PRDM9: variants seen among roughly 807,000 people sequenced by gnomAD.
PRDM9 encodes PR/SET domain 9, also known as histone-lysine N-methyltransferase PRDM9.
A neutral mutation model predicts 55.6 loss-of-function variants in PRDM9; 47 were observed. The ratio of observed to expected loss-of-function variants is 0.85; its 90% confidence interval spans 0.67 to 1.08. The LOEUF is 1.08. Ranked by LOEUF, PRDM9 falls within the 50% of genes least tolerant of loss-of-function variation. PRDM9 has a pLI of 0.00. For missense variants in PRDM9, 867 were observed against 1,040.3 expected, an observed-to-expected ratio of 0.83 and a Z score of 2.29; for synonymous variants, 312 against 375.7, an observed-to-expected ratio of 0.83 and a Z score of 1.96.
At position 23,524,445 on chromosome 5, in the gene PRDM9, G is replaced by T. The variant is rs1739392568; in HGVS notation, c.1062G>T (p.Leu354=). The change falls in exon 10 of 11, where the codon CTG becomes CTT. Residue 354 remains leucine (L), a synonymous_variant. Coordinates refer to ENST00000296682, the MANE Select transcript of PRDM9 (RefSeq NM_020227.4). ...TCATTAGGCCAGGCTGTGAACTGCT[G>T]GTCTGGTATGGGGATGAATACGGCC... ...CRVIRPGCEL[L]VWYGDEYGQE... is the part of the protein sequence containing the mutation. 2 of 1,613,854 alleles carry T rather than the reference G, an allele frequency of 1.2e-6. No homozygotes were observed. The highest frequency in any genetic ancestry group is 2.2e-5 in the South Asian group (2 of 91,082).
At chr5:23,524,813 C>A (rs1346426892) in intron 10 of PRDM9, among the ~76,000 whole-genome samples, 1 of 152,184 alleles carries the variant, frequency 6.6e-6, no homozygotes, top group African/African-American at 2.4e-5. Flanking sequence ...AGTTCTCAAA[C>A]ACCTACCAGC....
At chr5:23,525,515 G>A (rs1314634084) in intron 10 of PRDM9, among the ~76,000 whole-genome samples, 1 of 152,208 alleles carries the variant, frequency 6.6e-6, no homozygotes, top group Admixed American at 6.5e-5. Context: ...AATCTGAAAT[G>A]GAATCTATGC....
In PRDM9 at chr5:23,509,162, A is replaced by G. The variant is rs1197655733; in HGVS notation, c.69+60A>G. The G allele has an allele frequency of 3.8e-6, 6 of 1,597,648 alleles. No homozygotes were observed. The African/African-American group carries it at 5.4e-5, about 14-fold the overall frequency. ...CAGGAGCTGATCTCTGGAGTGCTGC[A>G]GACTCCTGGCCTGTACCCTTGGGGG... is the stretch of plus-strand genomic sequence containing the variant. On this transcript the variant is annotated intron_variant, in intron 2 of 10. Transcript: ENST00000296682.
chr5:23,522,442 T>G lies in PRDM9; in HGVS notation c.610+37T>G, dbSNP rs761078344. 2.5e-6 allele frequency: 4 copies of G among 1,592,768 alleles called. No individual in the cohort carries two copies. In the South Asian group the frequency reaches 3.3e-5, roughly 13 times the overall value. On this transcript the variant is annotated intron_variant, in intron 7 of 10. Transcript: ENST00000296682. ...TTTTGGCCACTCACACAGCTTGCTG[T>G]TATGTCCTGGTGCAATAATTTCATC...
rs1337166036 is a variant in PRDM9 at position 23,527,986 on chromosome 5, T to C, written c.*213T>C. The C allele has an allele frequency of 1.2e-4, 87 of 698,162 alleles. 1 individual carries two copies. In the Middle Eastern group the frequency reaches 2.0e-3, roughly 16 times the overall value. 43.2% of individuals were successfully genotyped at this position (698,162 alleles called of 1,614,324 possible). A position where few individuals can be genotyped will look rare whatever the true frequency, so the allele number is the denominator to read the frequency against. ...AGAACAAGGGATAGTTCTGTAAGTG[T>C]TCGGGGGACATCAGCATGTGTGGTT... On this transcript the variant is annotated 3_prime_UTR_variant, in exon 11 of 11. Coordinates refer to ENST00000296682, the MANE Select transcript of PRDM9 (RefSeq NM_020227.4).
In PRDM9 at chr5:23,509,014, T is replaced by C. The variant is rs528782445; in HGVS notation, c.-20T>C. 1 of 1,613,682 alleles carries C rather than the reference T, an allele frequency of 6.2e-7. No individual in the cohort carries two copies. Among genetic ancestry groups the C allele is most frequent in the East Asian group, 2.2e-5 (1 of 44,832 alleles). On this transcript the variant is annotated 5_prime_UTR_variant, in exon 2 of 11. Transcript: ENST00000296682. ...TCACACTCAGAATTGGAGCAGGGCCTTCTAGACAGTCCCAGCACCATGAGC... is the reference window on the plus strand; with the variant it reads ...TCACACTCAGAATTGGAGCAGGGCCCTCTAGACAGTCCCAGCACCATGAGC...
chr5:23,519,290 G>A (rs1028809447), intron 5 of PRDM9, among the ~76,000 whole-genome samples: 1 of 152,066 alleles, frequency 6.6e-6, no homozygotes. Flanking sequence ...GAACTACTGG[G>A]CTCAAGCCAT....
chr5:23,518,026 T>C, intron 5 of PRDM9, 96 bp downstream of exon 5: 1 of 1,147,900 alleles, frequency 8.7e-7, no homozygotes, highest in Admixed American at 1.7e-5. Flanking sequence ...TAGGAACTAA[T>C]GCCTTCTTTT....
intron 4 of PRDM9, among the ~76,000 whole-genome samples, chr5:23,515,693 A>C (rs1197273960): frequency 6.6e-6 from 1 of 152,162 alleles, no homozygotes; most frequent in East Asian, 1.9e-4. Context: ...TTTTTATATG[A>C]GATATGTGGT....
intron 4 of PRDM9, among the ~76,000 whole-genome samples, chr5:23,517,155 A>AC (rs1435211745): frequency 1.4e-5 from 2 of 143,658 alleles, no homozygotes; most frequent in Non-Finnish European, 3.0e-5. Context: ...TCCATCTCAA[A>AC]AAAAAAAAAA....
chr5:23,520,589 C>T (rs555860385), intron 5 of PRDM9, among the ~76,000 whole-genome samples: 1 of 152,134 alleles, frequency 6.6e-6, no homozygotes, highest in East Asian at 1.9e-4. Flanking sequence ...TCTCTTTGTT[C>T]TGTTCCCAAT....
chr5:23,509,627 G>A (rs1739051282), intron 3 of PRDM9, 34 bp downstream of exon 3: 1 of 1,614,056 alleles, frequency 6.2e-7, no homozygotes, highest in Non-Finnish European at 8.5e-7. Flanking sequence ...ACCAGCCTGG[G>A]AGACATAAAA....
chr5:23,511,281 A>G (rs1739090401), intron 4 of PRDM9, among the ~76,000 whole-genome samples: 1 of 152,148 alleles, frequency 6.6e-6, no homozygotes, highest in Non-Finnish European at 1.5e-5. Flanking sequence ...AACAAGCAAA[A>G]TGCAAGACAG....
At chr5:23,512,036 A>T (rs1468206495) in intron 4 of PRDM9, among the ~76,000 whole-genome samples, 1 of 152,236 alleles carries the variant, frequency 6.6e-6, no homozygotes, top group Non-Finnish European at 1.5e-5. Flanking sequence ...CAATGAAAGC[A>T]AACTTAATTA....
chr5:23,508,802 T>G, intron 1 of PRDM9, 148 bp from the exon 2 acceptor site: 1 of 559,864 alleles, frequency 1.8e-6, no homozygotes, highest in Non-Finnish European at 3.2e-6. Context: ...ATCCCATCAG[T>G]ACCCTCAAAT....
intron 3 of PRDM9, 59 bp from the exon 4 acceptor site, chr5:23,509,861 G>A: frequency 6.3e-7 from 1 of 1,578,188 alleles, no homozygotes; most frequent in Non-Finnish European, 8.7e-7. Flanking sequence ...CATTGCCACT[G>A]CCCTTTGTTC....
At chr5:23,520,487 C>T (rs182789605) in intron 5 of PRDM9, among the ~76,000 whole-genome samples, 1 of 151,014 alleles carries the variant, frequency 6.6e-6, no homozygotes, top group East Asian at 2.0e-4. Flanking sequence ...ACTAATTAAT[C>T]TAATTCCAAA....
At chr5:23,518,467 A>T (rs909061986) in intron 5 of PRDM9, among the ~76,000 whole-genome samples, 2 of 152,170 alleles carry the variant, frequency 1.3e-5, no homozygotes, top group Non-Finnish European at 2.9e-5. Context: ...GTTATGGTAA[A>T]GTGAGATTTG....
intron 1 of PRDM9, 96 bp downstream of exon 1, chr5:23,507,808 C>G (rs1449448513): frequency 6.6e-6 from 1 of 152,134 alleles, no homozygotes; most frequent in Non-Finnish European, 1.5e-5. Flanking sequence ...TCAAGAGACC[C>G]CAAATCCTGC....
Sources: allele counts gnomAD v4.1 joint callset (sites outside exome capture counted in the v4.1 genomes callset), GRCh38; gene constraint gnomAD v4.1.1; transcripts MANE v1.5; gene names NCBI Gene and HGNC (gene_info 2026-07-23, HGNC 2026-07-21).